The following CNTN5 variants were observed in gnomAD, a reference collection of about 807,000 sequenced individuals.
CNTN5 encodes the protein contactin-5.
Under a neutral mutation model 129.1 loss-of-function variants are expected in CNTN5, and 77 were observed. The ratio of observed to expected loss-of-function variants is 0.60; its 90% confidence interval spans 0.50 to 0.72. The LOEUF (loss-of-function observed/expected upper bound fraction) is 0.72. Ranked by LOEUF, CNTN5 falls within the 30% of genes least tolerant of loss-of-function variation. CNTN5 has a pLI of 0.00. For missense variants in CNTN5, 1,478 were observed against 1,328.8 expected (o/e 1.11, Z -1.75); for synonymous variants, 509 against 465.6 (o/e 1.09, Z -1.20).
intron 3 of CNTN5, among the ~76,000 whole-genome samples, chr11:99,704,408 G>T (rs143742796): frequency 6.6e-6 from 1 of 150,866 alleles, no homozygotes; most frequent in East Asian, 1.9e-4. Flanking sequence ...GACTTAAGTT[G>T]TGCACTCTAC....
rs112514359 is a variant in CNTN5, at chr11:99,637,983, T to C, written c.55+81714T>C. Among the ~76,000 whole-genome samples the C allele has an allele frequency of 2.9e-3, 441 of 152,312 alleles. 4 individuals carry two copies. Among genetic ancestry groups the C allele is most frequent in the African/African-American group, 0.01 (423 of 41,570 alleles). On this transcript the variant is annotated intron_variant, in intron 3 of 24. Coordinates refer to ENST00000524871, the MANE Select transcript of CNTN5 (RefSeq NM_014361.4). Reference sequence around the variant, plus strand: ...TTTATAGTCATGCATCTCATAATGATGTTTCAGTCAATGGTGGACCACATA... The same window carrying C: ...TTTATAGTCATGCATCTCATAATGACGTTTCAGTCAATGGTGGACCACATA...
At chr11:99,646,809 TAAAAA>T (rs5794011) in intron 3 of CNTN5, among the ~76,000 whole-genome samples, 4 of 131,810 alleles carry the variant, frequency 3.0e-5, no homozygotes, top group East Asian at 2.2e-4. Flanking sequence ...TGTCAATTCT[TAAAAA>T]AAAAAAAAAA....
intron 1 of CNTN5, among the ~76,000 whole-genome samples, chr11:99,152,983 G>A (rs958972182): frequency 6.6e-6 from 1 of 152,122 alleles, no homozygotes; most frequent in African/African-American, 2.4e-5. Context: ...AGTCTCTTCT[G>A]GCTAGTAGTG....
At chr11:99,774,417 T>G (rs117259413) in intron 3 of CNTN5, among the ~76,000 whole-genome samples, 5,349 of 151,928 alleles carry the variant, frequency 0.035, 141 homozygotes, top group South Asian at 0.098. Flanking sequence ...TTTATAAAGT[T>G]TGTGTGTCTC....
intron 3 of CNTN5, chr11:99,558,185 C>A: frequency 6.9e-6 from 1 of 144,884 alleles, no homozygotes; most frequent in South Asian, 5.3e-5. Context: ...ATATTTTATT[C>A]AGTGTTGGGT....
At chr11:100,023,570 T>A (rs1395186561) in intron 9 of CNTN5, among the ~76,000 whole-genome samples, 1 of 152,210 alleles carries the variant, frequency 6.6e-6, no homozygotes, top group Non-Finnish European at 1.5e-5. Flanking sequence ...ATTCTATGGA[T>A]TTGAATAAAT....
In CNTN5 at chr11:99,053,767, A is replaced by G. The variant is rs1164156657; in HGVS notation, c.-210+32497A>G. Among the ~76,000 whole-genome samples, 6 of 151,936 alleles carry G rather than the reference A, an allele frequency of 3.9e-5. No homozygotes were observed. The Admixed American group carries it at 4.0e-4, about 10-fold the overall frequency. On this transcript the variant is annotated intron_variant, in intron 1 of 24. Coordinates refer to ENST00000524871, the MANE Select transcript of CNTN5 (RefSeq NM_014361.4). ...GGCAGAAGCCTAACAAGATAAAACC[A>G]TTAGGCTTAAGTTGTGATTTGGGAG... is the stretch of plus-strand genomic sequence containing the variant.
chr11:100,281,582 T>A (rs1950641354), intron 18 of CNTN5, among the ~76,000 whole-genome samples: 1 of 152,178 alleles, frequency 6.6e-6, no homozygotes, highest in Admixed American at 6.5e-5. Context: ...TTGGGTTGAA[T>A]CTGCTTGGTG....
chr11:99,143,205 C>G (rs114870862), intron 1 of CNTN5, among the ~76,000 whole-genome samples: 3 of 151,578 alleles, frequency 2.0e-5, no homozygotes, highest in Admixed American at 6.6e-5. Flanking sequence ...CAGAGCTATA[C>G]AGCTGTAAAA....
intron 1 of CNTN5, among the ~76,000 whole-genome samples, chr11:99,074,390 A>C (rs1865474913): frequency 6.6e-6 from 1 of 152,180 alleles, no homozygotes; most frequent in South Asian, 2.1e-4. Flanking sequence ...ATTAGATCCA[A>C]TTAGTCAATT....
At chr11:99,618,796 T>C (rs897415721) in intron 3 of CNTN5, among the ~76,000 whole-genome samples, 3 of 152,196 alleles carry the variant, frequency 2.0e-5, no homozygotes, top group African/African-American at 4.8e-5. Context: ...GTGATGATTA[T>C]GCATTGCATG....
intron 13 of CNTN5, among the ~76,000 whole-genome samples, chr11:100,152,375 C>T (rs895930616): frequency 4.6e-5 from 7 of 152,140 alleles, no homozygotes; most frequent in African/African-American, 1.4e-4. Context: ...GGTCCCCTGA[C>T]TCCCTGTTCC....
At chr11:99,473,116 G>A (rs1051965304) in intron 2 of CNTN5, among the ~76,000 whole-genome samples, 1 of 151,972 alleles carries the variant, frequency 6.6e-6, no homozygotes, top group African/African-American at 2.4e-5. Context: ...ACTGTAAAAA[G>A]AAAGGGCTAG....
At chr11:99,723,692 G>C (rs1420944798) in intron 3 of CNTN5, among the ~76,000 whole-genome samples, 6 of 151,932 alleles carry the variant, frequency 3.9e-5, no homozygotes. Context: ...TTTCTATTTT[G>C]TTATTTTTGT....
At chr11:99,886,919 C>G (rs531337046) in intron 6 of CNTN5, among the ~76,000 whole-genome samples, 2 of 151,836 alleles carry the variant, frequency 1.3e-5, no homozygotes, top group African/African-American at 4.8e-5. Flanking sequence ...GATCTATAAG[C>G]GCTTATCTCA....
intron 3 of CNTN5, among the ~76,000 whole-genome samples, chr11:99,677,163 C>A (rs1953323267): frequency 6.6e-6 from 1 of 152,228 alleles, no homozygotes; most frequent in Non-Finnish European, 1.5e-5. Flanking sequence ...AAGTACTAGG[C>A]AAAAATTTGC....
At chr11:99,793,151 C>G (rs865990261) in intron 3 of CNTN5, among the ~76,000 whole-genome samples, 5 of 152,038 alleles carry the variant, frequency 3.3e-5, no homozygotes, top group African/African-American at 1.2e-4. Context: ...CCTCTTCCTC[C>G]CAGGTTCACG....
intron 8 of CNTN5, among the ~76,000 whole-genome samples, chr11:99,961,640 C>A (rs1211877832): frequency 1.3e-5 from 2 of 152,126 alleles, no homozygotes; most frequent in Admixed American, 1.3e-4. Flanking sequence ...ACAACTATTT[C>A]AATAAAATGT....
chr11:99,695,160 T>G (rs1441057173), intron 3 of CNTN5, among the ~76,000 whole-genome samples: 3 of 152,024 alleles, frequency 2.0e-5, no homozygotes, highest in African/African-American at 7.2e-5. Flanking sequence ...TTCCAGAGTT[T>G]AGTATGGAAA....
Sources: allele counts gnomAD v4.1 joint callset (sites outside exome capture counted in the v4.1 genomes callset), GRCh38; gene constraint gnomAD v4.1.1; transcripts MANE v1.5; gene names NCBI Gene and HGNC (gene_info 2026-07-23, HGNC 2026-07-21).